Variants in RNF157 observed in about 807,000 individuals in gnomAD.
RNF157 encodes E3 ubiquitin ligase RNF157.
RNF157 carries 55 observed loss-of-function variants against 88.3 expected under a neutral mutation model. The ratio of observed to expected loss-of-function variants is 0.62; its 90% confidence interval spans 0.50 to 0.78. The LOEUF (loss-of-function observed/expected upper bound fraction) is 0.78, where lower values mean the gene tolerates loss of function less well. RNF157 is among the 30% of genes least tolerant of loss of function. RNF157 has a pLI of 0.00. For missense variants in RNF157, 788 were observed against 860.8 expected, an observed-to-expected ratio of 0.92 and a Z score of 1.06; for synonymous variants, 334 against 341.2, an observed-to-expected ratio of 0.98 and a Z score of 0.23.
intron 1 of RNF157, among the ~76,000 whole-genome samples, chr17:76,224,905 C>T (rs1414913528): frequency 6.6e-6 from 1 of 152,220 alleles, no homozygotes; most frequent in East Asian, 1.9e-4. Context: ...GGAGCAGTGG[C>T]TCATGCCTGT....
At chr17:76,218,695 A>T (rs781234437) in intron 1 of RNF157, among the ~76,000 whole-genome samples, 19 of 152,120 alleles carry the variant, frequency 1.2e-4, no homozygotes, top group Non-Finnish European at 2.2e-4. Flanking sequence ...GCACTTTGGG[A>T]GGCCAAGGTG....
intron 18 of RNF157, among the ~76,000 whole-genome samples, chr17:76,149,960 G>T (rs972167166): frequency 6.6e-6 from 1 of 152,068 alleles, no homozygotes. Context: ...TTGACCCCAG[G>T]AGGTGGAGGT....
chr17:76,226,846 C>T (rs1260641337), intron 1 of RNF157: 13 of 1,450,566 alleles, frequency 9.0e-6, no homozygotes, highest in African/African-American at 5.7e-5. Flanking sequence ...GTGCTTAATT[C>T]GAAGGTGTCT....
chr17:76,185,729 A>T (rs1306046697), intron 2 of RNF157, among the ~76,000 whole-genome samples: 1 of 152,034 alleles, frequency 6.6e-6, no homozygotes, highest in African/African-American at 2.4e-5. Context: ...TCGGCCTCCC[A>T]AAGTGCTGGG....
chr17:76,180,009 T>G (rs1231363738), intron 2 of RNF157, among the ~76,000 whole-genome samples: 1 of 152,178 alleles, frequency 6.6e-6, no homozygotes, highest in Non-Finnish European at 1.5e-5. Context: ...GATAAAGTCT[T>G]TCTGATGTAA....
intron 1 of RNF157, among the ~76,000 whole-genome samples, chr17:76,221,788 G>A (rs557762823): frequency 1.3e-5 from 2 of 152,300 alleles, no homozygotes; most frequent in Non-Finnish European, 2.9e-5. Context: ...AAAATGTGAG[G>A]TATAATGTGT....
At chr17:76,202,278 G>A (rs916759038) in intron 2 of RNF157, among the ~76,000 whole-genome samples, 5 of 152,100 alleles carry the variant, frequency 3.3e-5, no homozygotes, top group African/African-American at 1.2e-4. Context: ...CCAAGTCCAA[G>A]GCACAAATAA....
intron 2 of RNF157, among the ~76,000 whole-genome samples, chr17:76,209,033 A>G (rs1490139288): frequency 3.9e-5 from 6 of 152,094 alleles, no homozygotes; most frequent in Non-Finnish European, 7.4e-5. Context: ...TGATTACTAC[A>G]TAAAAGCAAC....
chr17:76,174,335 A>G (rs184320737), intron 2 of RNF157, among the ~76,000 whole-genome samples: 3 of 152,334 alleles, frequency 2.0e-5, no homozygotes, highest in Admixed American at 6.5e-5. Context: ...GCTCTTTAAC[A>G]TGTGAGCCAA....
intron 1 of RNF157, among the ~76,000 whole-genome samples, chr17:76,232,315 T>C (rs963661072): frequency 1.9e-4 from 29 of 151,906 alleles, no homozygotes; most frequent in African/African-American, 5.8e-4. Flanking sequence ...CTGAGCCCAG[T>C]AGGTCGACGC....
chr17:76,215,382 G>T (rs572045868), intron 1 of RNF157, among the ~76,000 whole-genome samples: 16 of 152,026 alleles, frequency 1.1e-4, no homozygotes, highest in African/African-American at 3.6e-4. Flanking sequence ...GGCTGACGCA[G>T]AAGGGTCGCT....
At position 76,166,466 on chromosome 17, in the gene RNF157, C is replaced by G. The variant is rs2068926477; in HGVS notation, c.623G>C (p.Gly208Ala). 1 of 1,613,868 alleles carries G rather than the reference C, an allele frequency of 6.2e-7. No individual in the cohort carries two copies. The change falls in exon 6 of 19, where the codon GGA becomes GCA. Residue 208 changes from glycine to alanine, a missense_variant. Physicochemically the swap from Gly to Ala is moderately conservative, Grantham distance 60 (BLOSUM62 0). Coordinates refer to ENST00000269391, the MANE Select transcript of RNF157 (RefSeq NM_052916.3). ...AGGACAGAAATCGCCCCTACCGTCTCCTTCATCCACCACGGCATGTACCAC... is the reference window on the plus strand; with the variant it reads ...AGGACAGAAATCGCCCCTACCGTCTGCTTCATCCACCACGGCATGTACCAC... Reference protein sequence around the residue: ...PLVVHAVVDEGDEYFGHCHVL... With the variant: ...PLVVHAVVDEADEYFGHCHVL...
rs201495655 is a variant in RNF157 at position 76,158,479 on chromosome 17, C to T, written c.1327G>A (p.Val443Met). The T allele has an allele frequency of 4.5e-5, 72 of 1,613,376 alleles. No individual in the cohort carries two copies. In the Admixed American group the frequency reaches 7.5e-4, roughly 17 times the overall value. The part of the protein sequence containing the change: ...LSKSTSQNSS[V>M]LHEEEDEHSC... ...TGCTCATCTTCCTCTTCATGCAGCA[C>T]GGAAGAGTTTTGGGAAGTGGATCTG... The change falls in exon 13 of 19, where the codon GTG (valine) becomes ATG (methionine). Residue 443 changes from valine (V) to methionine (M), a missense_variant. Coordinates refer to ENST00000269391, the MANE Select transcript of RNF157 (RefSeq NM_052916.3).
chr17:76,154,443 G>T, intron 16 of RNF157, 115 bp from the exon 17 acceptor site: 1 of 759,046 alleles, frequency 1.3e-6, no homozygotes, highest in Non-Finnish European at 2.4e-6. Flanking sequence ...TACGTTAATA[G>T]CATATATTTC....
At chr17:76,191,366 A>G (rs1025770949) in intron 2 of RNF157, among the ~76,000 whole-genome samples, 1 of 151,948 alleles carries the variant, frequency 6.6e-6, no homozygotes, top group African/African-American at 2.4e-5. Context: ...TAATCCCAAC[A>G]CTTTGGGAGG....
chr17:76,156,598 CA>C, intron 13 of RNF157: 4 of 893,064 alleles, frequency 4.5e-6, no homozygotes, highest in Non-Finnish European at 4.0e-6. Flanking sequence ...GCTCGGGTGA[CA>C]CAGGTCACCC....
Position 76,157,990 on chromosome 17 carries a change from T to C in RNF157, c.1413+403A>G, listed in dbSNP as rs2068791391. On this transcript the variant is annotated intron_variant, in intron 13 of 18. Coordinates refer to ENST00000269391, the MANE Select transcript of RNF157 (RefSeq NM_052916.3). The surrounding 1 kb of genome is among the most constrained non-coding windows in gnomAD (Gnocchi z 5.6). ...TACCACTTCCCTTGGTCTTGGCTCC[T>C]GGACCGCTTTTTAAGAATGGCAGCC... is the stretch of plus-strand genomic sequence containing the variant. 4.6e-5 allele frequency among the ~76,000 whole-genome samples: 7 copies of C among 152,088 alleles called. No homozygotes were observed. The highest frequency in any genetic ancestry group is 4.6e-4 in the Admixed American group (7 of 15,262).
At position 76,161,398 on chromosome 17, in the gene RNF157, C is replaced by G; in HGVS notation, c.1065+137G>C. On this transcript the variant is annotated intron_variant, in intron 11 of 18. Coordinates refer to ENST00000269391, the MANE Select transcript of RNF157 (RefSeq NM_052916.3). The surrounding 1 kb of genome is among the most constrained non-coding windows in gnomAD (Gnocchi z 4.6). The stretch of plus-strand genomic sequence containing the variant: ...TAATAAGTTGGTTTTAACGCATGCT[C>G]TCAGCCGGCTTGCTAAATACTGCAG... The G allele has an allele frequency of 2.8e-6, 2 of 711,794 alleles. No individual in the cohort carries two copies. The highest frequency in any genetic ancestry group is 4.9e-6 in the Non-Finnish European group (2 of 410,078). 44.1% of individuals were successfully genotyped at this position (711,794 alleles called of 1,614,324 possible).
Position 76,214,328 on chromosome 17 carries a change from G to A in RNF157, c.89-1846C>T, listed in dbSNP as rs80054570. Reference sequence around the variant, plus strand: ...GTCACAGAAGTTTTCTGTGCTGCTTGTGTTGTGAGTGTATAGGAGAAACTG... The same window carrying A: ...GTCACAGAAGTTTTCTGTGCTGCTTATGTTGTGAGTGTATAGGAGAAACTG... On this transcript the variant is annotated intron_variant, in intron 1 of 18. Transcript: ENST00000269391. Among the ~76,000 whole-genome samples the A allele has an allele frequency of 2.1e-3, 314 of 152,260 alleles. 1 individual carries two copies. Among genetic ancestry groups the A allele is most frequent in the African/African-American group, 7.2e-3 (299 of 41,554 alleles).
Sources: allele counts gnomAD v4.1 joint callset (sites outside exome capture counted in the v4.1 genomes callset), GRCh38; gene constraint gnomAD v4.1.1; non-coding constraint Gnocchi (gnomAD v3.1); transcripts MANE v1.5; gene names NCBI Gene and HGNC (gene_info 2026-07-23, HGNC 2026-07-21).